The following MRPS31 variants were observed in gnomAD, a reference collection of about 807,000 sequenced individuals.
The protein encoded by MRPS31 is small ribosomal subunit protein mS31.
MRPS31 carries 32 observed loss-of-function variants against 43.1 expected under a neutral mutation model. That is an observed-to-expected ratio of 0.74 (90% confidence interval 0.56 to 1.00). The LOEUF (loss-of-function observed/expected upper bound fraction) is 1.00. Ranked by LOEUF, MRPS31 falls within the 50% of genes least tolerant of loss-of-function variation. MRPS31 has a pLI of 0.00. For missense variants in MRPS31, 437 were observed against 466.7 expected (o/e 0.94, Z 0.59); for synonymous variants, 165 against 161.6 (o/e 1.02, Z -0.16).
intron 4 of MRPS31, among the ~76,000 whole-genome samples, chr13:40,754,999 A>G (rs1236993746): frequency 2.0e-5 from 3 of 152,248 alleles, no homozygotes; most frequent in Non-Finnish European, 4.4e-5. Flanking sequence ...GTGCCACTAC[A>G]CTCCAGGCTG....
intron 2 of MRPS31, among the ~76,000 whole-genome samples, chr13:40,765,063 G>A (rs1436535371): frequency 2.0e-5 from 3 of 152,076 alleles, no homozygotes; most frequent in Non-Finnish European, 4.4e-5. Context: ...TGGAGTCCTT[G>A]AAAAAGAGGG....
intron 2 of MRPS31, among the ~76,000 whole-genome samples, chr13:40,765,431 C>A (rs1566112325): frequency 6.6e-6 from 1 of 152,136 alleles, no homozygotes; most frequent in African/African-American, 2.4e-5. Flanking sequence ...ATCGTTAATT[C>A]AATTATAATT....
chr13:40,743,894 T>G (rs527454711), intron 6 of MRPS31, among the ~76,000 whole-genome samples: 1 of 152,200 alleles, frequency 6.6e-6, no homozygotes, highest in Non-Finnish European at 1.5e-5. Context: ...TAAAGATACA[T>G]GCATATGTAT....
At chr13:40,733,026 G>A (rs2137991305) in intron 6 of MRPS31, among the ~76,000 whole-genome samples, 1 of 135,758 alleles carries the variant, frequency 7.4e-6, no homozygotes, top group South Asian at 2.4e-4. Flanking sequence ...TTTTTTGAGA[G>A]GGAGTTTCAC....
Position 40,756,937 on chromosome 13 carries a change from TC to T in MRPS31, c.675del (p.Ile226PhefsTer36). 1 of 1,613,970 alleles carries T rather than the reference TC, an allele frequency of 6.2e-7. No individual in the cohort carries two copies. ...TTGTCATAGCCTTCATCAAACTGAA[TC>T]CGAAGCTCTGGTCTTGAACGAACTC... ...TARVRSRPEL[R>X]IQFDEGYDNY... On this transcript the variant is annotated frameshift_variant, in exon 4 of 7. Coordinates refer to ENST00000323563, the MANE Select transcript of MRPS31 (RefSeq NM_005830.4). LOFTEE classifies it high-confidence loss of function.
Position 40,766,872 on chromosome 13 carries a change from C to A in MRPS31, c.314G>T (p.Gly105Val). The A allele has an allele frequency of 1.2e-6, 2 of 1,614,090 alleles. No individual in the cohort carries two copies. Among genetic ancestry groups the A allele is most frequent in the Non-Finnish European group, 1.7e-6 (2 of 1,179,996 alleles). ...TKKDLLGIIK[G>V]MKVELSTVNV... is the part of the protein sequence containing the mutation. The stretch of plus-strand genomic sequence containing the variant: ...TACTGTGCTTAATTCAACTTTCATG[C>A]CCTTAATAATGCCTAACAAGTCTTT... The change falls in exon 2 of 7, where the codon GGC (glycine) becomes GTC (valine). Residue 105 changes from glycine (G) to valine (V), a missense_variant. By Grantham distance (109) the Gly-to-Val change is moderately radical (BLOSUM62 -3). Transcript: ENST00000323563.
intron 6 of MRPS31, among the ~76,000 whole-genome samples, chr13:40,737,934 A>T (rs1292824147): frequency 6.6e-6 from 1 of 152,046 alleles, no homozygotes; most frequent in Non-Finnish European, 1.5e-5. Flanking sequence ...AAATAACTAA[A>T]ATCAGAGCAC....
At chr13:40,759,897 G>T (rs1473172136) in intron 2 of MRPS31, among the ~76,000 whole-genome samples, 1 of 152,150 alleles carries the variant, frequency 6.6e-6, no homozygotes, top group Non-Finnish European at 1.5e-5. Flanking sequence ...TACAATGGAA[G>T]AGTACTCAGC....
At chr13:40,744,656 G>T (rs1593445479) in intron 6 of MRPS31, among the ~76,000 whole-genome samples, 1 of 151,994 alleles carries the variant, frequency 6.6e-6, no homozygotes, top group South Asian at 2.1e-4. Context: ...AGCAATGTAT[G>T]TTCACTGCAG....
At chr13:40,761,267 C>A (rs1239038950) in intron 2 of MRPS31, among the ~76,000 whole-genome samples, 158 of 136,746 alleles carry the variant, frequency 1.2e-3, no homozygotes, top group African/African-American at 1.5e-3. Flanking sequence ...AGTCTGTCTC[C>A]AAAAAAAAAA....
chr13:40,752,640 T>C (rs1566108606), intron 5 of MRPS31, among the ~76,000 whole-genome samples: 1 of 152,150 alleles, frequency 6.6e-6, no homozygotes, highest in Non-Finnish European at 1.5e-5. Flanking sequence ...AATAGTCTAT[T>C]AAATAGAGGG....
chr13:40,735,089 G>C (rs993036736), intron 6 of MRPS31, among the ~76,000 whole-genome samples: 6 of 152,228 alleles, frequency 3.9e-5, no homozygotes, highest in African/African-American at 1.2e-4. Context: ...CCTTGCGCGA[G>C]CCGAAAGAGG....
At chr13:40,732,747 G>GA (rs892762119) in intron 6 of MRPS31, among the ~76,000 whole-genome samples, 20 of 148,686 alleles carry the variant, frequency 1.3e-4, no homozygotes, top group South Asian at 4.3e-4. Context: ...CTTAAAAGAA[G>GA]AAAAAAAAAA....
At chr13:40,759,865 A>G (rs1880643056) in intron 2 of MRPS31, among the ~76,000 whole-genome samples, 2 of 152,220 alleles carry the variant, frequency 1.3e-5, no homozygotes, top group South Asian at 4.1e-4. Flanking sequence ...TCAGAACAGA[A>G]AAACAAATTG....
At chr13:40,737,428 C>G (rs1403427736) in intron 6 of MRPS31, among the ~76,000 whole-genome samples, 1 of 152,018 alleles carries the variant, frequency 6.6e-6, no homozygotes, top group Admixed American at 6.6e-5. Context: ...CTGCACCAAG[C>G]AGACCTAATA....
chr13:40,756,749 A>G, intron 4 of MRPS31, 124 bp downstream of exon 4: 2 of 1,098,992 alleles, frequency 1.8e-6, no homozygotes, highest in Non-Finnish European at 2.7e-6. Context: ...ACACAGATGT[A>G]AATGTATTCA....
chr13:40,733,920 C>G lies in MRPS31; in HGVS notation c.959-4319G>C, dbSNP rs2137991990. Among the ~76,000 whole-genome samples the G allele has an allele frequency of 2.2e-5, 3 of 137,612 alleles. 1 individual carries two copies. The South Asian group carries it at 7.3e-4, about 33-fold the overall frequency. The allele number at this position is 137,612 out of a possible 152,430, so 90.3% of individuals were successfully genotyped here. A position where few individuals can be genotyped will look rare whatever the true frequency, so the allele number is the denominator to read the frequency against. On this transcript the variant is annotated intron_variant, in intron 6 of 6. Coordinates refer to ENST00000323563, the MANE Select transcript of MRPS31 (RefSeq NM_005830.4). Reference sequence around the variant, plus strand: ...GCTTCAGTGAGCCAAGAATGTGCCACTGCACTCTAGCCTGGACAATCAGAG... The same window carrying G: ...GCTTCAGTGAGCCAAGAATGTGCCAGTGCACTCTAGCCTGGACAATCAGAG...
chr13:40,761,071 G>A (rs2138014778), intron 2 of MRPS31, among the ~76,000 whole-genome samples: 1 of 151,688 alleles, frequency 6.6e-6, no homozygotes, highest in East Asian at 1.9e-4. Context: ...GAGCCCAGGA[G>A]TTTGAGACCA....
At chr13:40,740,926 T>TA (rs1478522180) in intron 6 of MRPS31, among the ~76,000 whole-genome samples, 1 of 140,622 alleles carries the variant, frequency 7.1e-6, no homozygotes, top group Non-Finnish European at 1.5e-5. Flanking sequence ...CCCTAAAACT[T>TA]AAAGTATAAT....
Sources: gnomAD v4.1 joint callset for allele counts (sites outside exome capture counted in the v4.1 genomes callset) on GRCh38, gnomAD v4.1.1 for gene constraint, MANE v1.5 for transcripts, NCBI Gene and HGNC (gene_info 2026-07-23, HGNC 2026-07-21) for gene names.